UNC5C: variants seen among roughly 807,000 people sequenced by gnomAD.
UNC5C encodes the protein netrin receptor UNC5C.
Under a neutral mutation model 99.8 loss-of-function variants are expected in UNC5C, and 47 were observed. The ratio of observed to expected loss-of-function variants is 0.47; its 90% CI spans 0.37 to 0.60. The LOEUF is 0.60. Among genes scored for constraint, UNC5C ranks in the 20% least tolerant of loss-of-function variants. UNC5C has a pLI of 0.00. For synonymous variants in UNC5C, 487 were observed against 452.2 expected, an observed-to-expected ratio of 1.08 and a Z score of -0.98; for missense variants, 1,062 against 1,165.9, an observed-to-expected ratio of 0.91 and a Z score of 1.30.
chr4:95,185,260 CATTGAATA>C, intron 12 of UNC5C, 64 bp from the exon 13 acceptor site: 1 of 1,524,474 alleles, frequency 6.6e-7, no homozygotes, highest in South Asian at 1.3e-5. Context: ...TCAGCTCTCT[CATTGAATA>C]AGTTTCTTTA....
rs1424953481 is a variant in UNC5C, at chr4:95,165,100, T to G, written c.*4134A>C. Reference sequence around the variant, plus strand: ...ACAGAAGGACACGAGACAAGAGCCTTGTTGCTCTTTGCCAGGAGAAGTGAA... The same window carrying G: ...ACAGAAGGACACGAGACAAGAGCCTGGTTGCTCTTTGCCAGGAGAAGTGAA... On this transcript the variant is annotated 3_prime_UTR_variant, in exon 16 of 16. Coordinates refer to ENST00000453304, the MANE Select transcript of UNC5C (RefSeq NM_003728.4). The G allele has an allele frequency of 6.6e-6, 1 of 152,208 alleles. No homozygotes were observed. Among genetic ancestry groups the G allele is most frequent in the Non-Finnish European group, 1.5e-5 (1 of 68,040 alleles). The allele number at this position is 152,208 out of a possible 1,614,324, so 9.4% of individuals were successfully genotyped here.
At chr4:95,312,771 C>T (rs963364391) in intron 2 of UNC5C, among the ~76,000 whole-genome samples, 3 of 152,120 alleles carry the variant, frequency 2.0e-5, no homozygotes, top group Non-Finnish European at 4.4e-5. Flanking sequence ...ACTCAGAATG[C>T]CCATCCATAT....
intron 2 of UNC5C, among the ~76,000 whole-genome samples, chr4:95,322,090 T>C (rs1337753962): frequency 6.6e-6 from 1 of 152,214 alleles, no homozygotes; most frequent in Non-Finnish European, 1.5e-5. Flanking sequence ...CTGACTTAAA[T>C]AAAAAATTAT....
In UNC5C at chr4:95,402,272, A is replaced by G. The variant is rs574340538; in HGVS notation, c.125-66641T>C. Among the ~76,000 whole-genome samples, 36 of 152,238 alleles carry G rather than the reference A, an allele frequency of 2.4e-4. No individual in the cohort carries two copies. The East Asian group carries it at 6.4e-3, about 27-fold the overall frequency. ...AAATGGCTGCTACCCTATTTATCAT[A>G]TTCATCAGATGTACATTTTCAGATT... is the stretch of plus-strand genomic sequence containing the variant. On this transcript the variant is annotated intron_variant, in intron 1 of 15. Coordinates refer to ENST00000453304, the MANE Select transcript of UNC5C (RefSeq NM_003728.4).
intron 4 of UNC5C, among the ~76,000 whole-genome samples, chr4:95,276,071 C>A (rs72887727): frequency 4.6e-5 from 7 of 152,160 alleles, no homozygotes; most frequent in African/African-American, 1.4e-4. Flanking sequence ...GGAAAATGGT[C>A]GTATAATCCT....
At chr4:95,248,322 C>T in intron 5 of UNC5C, 1 of 234,002 alleles carries the variant, frequency 4.3e-6, no homozygotes, top group South Asian at 4.6e-5. Context: ...AAAATGAAGA[C>T]CCAAAGATGC....
intron 1 of UNC5C, among the ~76,000 whole-genome samples, chr4:95,391,026 A>G (rs1399612574): frequency 6.6e-6 from 1 of 152,126 alleles, no homozygotes; most frequent in South Asian, 2.1e-4. Flanking sequence ...CTGTTTTAGG[A>G]TAGTGAATAA....
chr4:95,524,682 A>G (rs1055203571), intron 1 of UNC5C, among the ~76,000 whole-genome samples: 2 of 152,170 alleles, frequency 1.3e-5, no homozygotes, highest in Admixed American at 6.5e-5. Flanking sequence ...TTACTCACGT[A>G]ACCTCATTGG....
At chr4:95,447,936 G>C (rs1747154689) in intron 1 of UNC5C, among the ~76,000 whole-genome samples, 1 of 152,118 alleles carries the variant, frequency 6.6e-6, no homozygotes, top group African/African-American at 2.4e-5. Flanking sequence ...GGCTTGGGCT[G>C]GCACCATAGG....
At chr4:95,209,419 A>G (rs916398340) in intron 10 of UNC5C, among the ~76,000 whole-genome samples, 1 of 152,228 alleles carries the variant, frequency 6.6e-6, no homozygotes, top group African/African-American at 2.4e-5. Flanking sequence ...ACTCTTGGCT[A>G]TCAGTGCTTC....
intron 1 of UNC5C, among the ~76,000 whole-genome samples, chr4:95,468,775 T>C (rs1747876835): frequency 6.6e-6 from 1 of 152,150 alleles, no homozygotes; most frequent in Non-Finnish European, 1.5e-5. Context: ...ATGTTGTGTT[T>C]GGGGGCAAGT....
At chr4:95,489,926 T>G (rs1721433940) in intron 1 of UNC5C, among the ~76,000 whole-genome samples, 1 of 151,430 alleles carries the variant, frequency 6.6e-6, no homozygotes, top group Non-Finnish European at 1.5e-5. Flanking sequence ...AATTTAGGAG[T>G]CATTAGCATA....
rs559961332 is a variant in UNC5C, at chr4:95,196,754, A to AAT, written c.2136+5975_2136+5976dup. ...TATATATTATATTTATGTAATATATAATATATATATTATATTTATGTAATA... is the reference window on the plus strand; with the variant it reads ...TATATATTATATTTATGTAATATATAATATATATATATTATATTTATGTAATA... On this transcript the variant is annotated intron_variant, in intron 12 of 15. Transcript: ENST00000453304. Among the ~76,000 whole-genome samples the AAT allele has an allele frequency of 5.5e-4, 21 of 38,290 alleles. 3 individuals are homozygous for AAT. Among genetic ancestry groups the AAT allele is most frequent in the African/African-American group, 2.1e-3 (21 of 10,090 alleles). The allele number at this position is 38,290 out of a possible 152,430, so 25.1% of individuals were successfully genotyped here.
chr4:95,398,256 G>T (rs187821465), intron 1 of UNC5C, among the ~76,000 whole-genome samples: 67 of 152,002 alleles, frequency 4.4e-4, no homozygotes, highest in Middle Eastern at 3.4e-3. Context: ...TTATGGAAAG[G>T]TATCCTCTAT....
intron 1 of UNC5C, among the ~76,000 whole-genome samples, chr4:95,402,132 A>G (rs1168494555): frequency 2.6e-5 from 4 of 152,216 alleles, no homozygotes; most frequent in African/African-American, 9.7e-5. Context: ...TACTAATACA[A>G]TATCTTCATT....
chr4:95,491,516 C>G (rs1721491965), intron 1 of UNC5C, among the ~76,000 whole-genome samples: 1 of 151,502 alleles, frequency 6.6e-6, no homozygotes, highest in African/African-American at 2.4e-5. Context: ...GCTTACTGTG[C>G]AGTTAGTTGT....
intron 1 of UNC5C, among the ~76,000 whole-genome samples, chr4:95,437,304 T>G (rs1264964584): frequency 6.6e-6 from 1 of 151,904 alleles, no homozygotes; most frequent in Non-Finnish European, 1.5e-5. Context: ...TTTGCATTTC[T>G]ATACTATCAT....
intron 1 of UNC5C, among the ~76,000 whole-genome samples, chr4:95,504,071 C>T (rs997240166): frequency 6.6e-6 from 1 of 152,126 alleles, no homozygotes; most frequent in African/African-American, 2.4e-5. Flanking sequence ...TTTTGTAATG[C>T]ATGATTTTAT....
intron 12 of UNC5C, among the ~76,000 whole-genome samples, chr4:95,201,551 C>CA (rs1350558881): frequency 6.6e-6 from 1 of 152,016 alleles, no homozygotes; most frequent in Non-Finnish European, 1.5e-5. Flanking sequence ...TCCATCTAGA[C>CA]AAAATTCCTA....
Sources: allele counts gnomAD v4.1 joint callset (sites outside exome capture counted in the v4.1 genomes callset), GRCh38; gene constraint gnomAD v4.1.1; transcripts MANE v1.5; gene names NCBI Gene and HGNC (gene_info 2026-07-23, HGNC 2026-07-21).